Variants in SEMA3A observed in about 807,000 individuals in gnomAD.
SEMA3A encodes semaphorin 3A.
In SEMA3A, 29 loss-of-function variants were observed where a neutral mutation model predicts 97.9. The observed-to-expected ratio is 0.30, with a 90% CI of 0.22 to 0.40. SEMA3A has a LOEUF of 0.40. SEMA3A is among the 10% of genes least tolerant of loss of function. The pLI, the probability that SEMA3A is intolerant of heterozygous loss-of-function variation, is 1.00. For synonymous variants in SEMA3A, 321 were observed against 323.7 expected, an observed-to-expected ratio of 0.99 and a Z score of 0.09; for missense variants, 763 against 951.3, an observed-to-expected ratio of 0.80 and a Z score of 2.60.
chr7:84,405,423 T>G (rs1391389870), intron 1 of SEMA3A, among the ~76,000 whole-genome samples: 1 of 152,018 alleles, frequency 6.6e-6, no homozygotes, highest in African/African-American at 2.4e-5. Flanking sequence ...CAAAGAGACT[T>G]AGACTCCCAC....
intron 5 of SEMA3A, among the ~76,000 whole-genome samples, chr7:84,048,149 G>A (rs1792433966): frequency 6.6e-6 from 1 of 151,972 alleles, no homozygotes; most frequent in Non-Finnish European, 1.5e-5. Context: ...ATTAGTAAGT[G>A]AATTGTTCTT....
chr7:84,026,246 G>A (rs574801538), intron 6 of SEMA3A, among the ~76,000 whole-genome samples: 2 of 152,214 alleles, frequency 1.3e-5, no homozygotes, highest in East Asian at 1.9e-4. Flanking sequence ...TAAGTACCTC[G>A]TATCTCTTAT....
intron 2 of SEMA3A, among the ~76,000 whole-genome samples, chr7:84,326,710 A>G (rs530889627): frequency 6.6e-6 from 1 of 152,222 alleles, no homozygotes; most frequent in Non-Finnish European, 1.5e-5. Flanking sequence ...TGACAAAAAC[A>G]AACAATAGGG....
chr7:84,060,448 G>A lies in SEMA3A; in HGVS notation c.547+17C>T. 2 of 1,488,792 alleles carry A rather than the reference G, an allele frequency of 1.3e-6. No homozygotes were observed. Among genetic ancestry groups the A allele is most frequent in the Non-Finnish European group, 9.1e-7 (1 of 1,098,360 alleles). The allele number at this position is 1,488,792 out of a possible 1,614,324, so 92.2% of individuals were successfully genotyped here. A position where few individuals can be genotyped will look rare whatever the true frequency, so the allele number is the denominator to read the frequency against. ...TTTATAGAAAACTCACTATTTAATT[G>A]ATTGTTGACTACGCACCTATTAAAA... On this transcript the variant is annotated intron_variant, in intron 5 of 16. Transcript: ENST00000265362.
chr7:84,150,967 C>T (rs555078877), intron 1 of SEMA3A, among the ~76,000 whole-genome samples: 1 of 149,654 alleles, frequency 6.7e-6, no homozygotes, highest in Non-Finnish European at 1.5e-5. Context: ...GAGGCACCCC[C>T]CAGCAGGGGC....
At chr7:83,974,854 C>T (rs1202495702) in intron 15 of SEMA3A, among the ~76,000 whole-genome samples, 1 of 152,058 alleles carries the variant, frequency 6.6e-6, no homozygotes, top group Non-Finnish European at 1.5e-5. Flanking sequence ...GGCTAGTTTA[C>T]CCTTTCCTCT....
At chr7:84,473,874 G>A (rs1431685623) in intron 1 of SEMA3A, among the ~76,000 whole-genome samples, 1 of 152,128 alleles carries the variant, frequency 6.6e-6, no homozygotes, top group Non-Finnish European at 1.5e-5. Context: ...TAACAACACT[G>A]TGCTGAGTCA....
chr7:84,143,531 A>G (rs1359959851), intron 1 of SEMA3A, among the ~76,000 whole-genome samples: 1 of 93,358 alleles, frequency 1.1e-5, no homozygotes, highest in Non-Finnish European at 2.2e-5. Flanking sequence ...AGTCTACACG[A>G]CTGTAAGATT....
intron 1 of SEMA3A, among the ~76,000 whole-genome samples, chr7:84,442,639 G>A (rs1274525025): frequency 7.1e-6 from 1 of 140,496 alleles, no homozygotes; most frequent in South Asian, 2.3e-4. Context: ...AAATTTAAGT[G>A]GACTAAACAC....
intron 15 of SEMA3A, among the ~76,000 whole-genome samples, chr7:83,966,774 T>A (rs967165319): frequency 3.3e-5 from 5 of 151,858 alleles, no homozygotes; most frequent in Non-Finnish European, 7.4e-5. Context: ...TGCAATGGCG[T>A]GATCTCGGCT....
chr7:84,093,776 A>G (rs1398379567), intron 4 of SEMA3A, among the ~76,000 whole-genome samples: 9 of 151,976 alleles, frequency 5.9e-5, no homozygotes, highest in Non-Finnish European at 1.0e-4. Context: ...GAGGGGAACA[A>G]CACCCATTTG....
At chr7:84,395,842 C>T (rs1803717721) in intron 1 of SEMA3A, among the ~76,000 whole-genome samples, 2 of 152,078 alleles carry the variant, frequency 1.3e-5, no homozygotes, top group African/African-American at 4.8e-5. Flanking sequence ...ATATGTTACC[C>T]AGTCTTGATA....
chr7:84,482,987 G>T (rs1806485584), intron 1 of SEMA3A, among the ~76,000 whole-genome samples: 1 of 151,728 alleles, frequency 6.6e-6, no homozygotes, highest in Non-Finnish European at 1.5e-5. Context: ...TTACTTGTAG[G>T]TGTAGTTTTT....
chr7:84,243,490 A>T (rs1317171738), intron 3 of SEMA3A, among the ~76,000 whole-genome samples: 1 of 151,792 alleles, frequency 6.6e-6, no homozygotes, highest in African/African-American at 2.4e-5. Context: ...ATCAGTGGTG[A>T]TCTCCCCTTT....
chr7:84,086,804 C>T (rs897912565), intron 4 of SEMA3A, among the ~76,000 whole-genome samples: 4 of 150,848 alleles, frequency 2.7e-5, no homozygotes, highest in African/African-American at 9.8e-5. Context: ...GGTTTTTGCC[C>T]AGCTTTCTGA....
intron 1 of SEMA3A, among the ~76,000 whole-genome samples, chr7:84,161,724 C>T (rs6943044): frequency 0.077 from 11,635 of 152,030 alleles, 1,036 homozygotes; most frequent in African/African-American, 0.21. Flanking sequence ...GAGGGGGTCA[C>T]TCATATATAA....
Position 84,176,208 on chromosome 7 carries a change from C to T in SEMA3A, c.112+18267G>A, listed in dbSNP as rs575502249. Among the ~76,000 whole-genome samples, 255 of 152,174 alleles carry T rather than the reference C, an allele frequency of 1.7e-3. 1 individual carries two copies. In the Middle Eastern group the frequency reaches 0.041, roughly 24 times the overall value. On this transcript the variant is annotated intron_variant, in intron 1 of 16. Coordinates refer to ENST00000265362, the MANE Select transcript of SEMA3A (RefSeq NM_006080.3). ...AAATCATGGTACAAAATATACATTA[C>T]GAGGCTATTCTGTGGTATGCTGTAA...
At chr7:83,976,982 G>C in intron 15 of SEMA3A, 150 bp downstream of exon 15, 2 of 420,062 alleles carry the variant, frequency 4.8e-6, no homozygotes, top group Non-Finnish European at 8.5e-6. Flanking sequence ...GTGTTCTTTA[G>C]GATTTTCTTT....
chr7:84,475,433 A>C (rs1806258517), intron 1 of SEMA3A, among the ~76,000 whole-genome samples: 1 of 152,112 alleles, frequency 6.6e-6, no homozygotes, highest in Non-Finnish European at 1.5e-5. Flanking sequence ...AATTTCCTTA[A>C]ATTTTTAACA....
Sources: allele counts gnomAD v4.1 joint callset (sites outside exome capture counted in the v4.1 genomes callset), GRCh38; gene constraint gnomAD v4.1.1; transcripts MANE v1.5; gene names NCBI Gene and HGNC (gene_info 2026-07-23, HGNC 2026-07-21).